The following AOX1 variants were observed in gnomAD, a reference collection of about 807,000 sequenced individuals.
AOX1 encodes the protein aldehyde oxidase.
Under a neutral mutation model 169.5 loss-of-function variants are expected in AOX1, and 153 were observed. The ratio of observed to expected loss-of-function variants is 0.90; its 90% CI spans 0.79 to 1.03. The LOEUF (loss-of-function observed/expected upper bound fraction) is 1.03, where lower values mean the gene tolerates loss of function less well. Ranked by LOEUF, AOX1 falls within the 50% of genes least tolerant of loss-of-function variation. The pLI, the probability that AOX1 is intolerant of heterozygous loss-of-function variation, is 0.00. For synonymous variants in AOX1, 562 were observed against 581.9 expected (o/e 0.97, Z 0.49); for missense variants, 1,656 against 1,663.9 (o/e 1.00, Z 0.08).
intron 10 of AOX1, among the ~76,000 whole-genome samples, chr2:200,606,022 C>T (rs561975127): frequency 5.9e-5 from 9 of 152,296 alleles, no homozygotes; most frequent in African/African-American, 1.9e-4. Flanking sequence ...GCTTTTGCTG[C>T]AATTGCTTTT....
rs926823452 is a variant in AOX1 at position 200,671,066 on chromosome 2, T to G, written c.*387T>G. On this transcript the variant is annotated 3_prime_UTR_variant, in exon 35 of 35. Transcript: ENST00000374700. Reference sequence around the variant, plus strand: ...TTTCTAAATAATTTCATTACTAATATGAACTGTGAAGTTGTCATTTTTTCA... The same window carrying G: ...TTTCTAAATAATTTCATTACTAATAGGAACTGTGAAGTTGTCATTTTTTCA... 2 of 171,954 alleles carry G rather than the reference T, an allele frequency of 1.2e-5. No homozygotes were observed. Among genetic ancestry groups the G allele is most frequent in the African/African-American group, 4.7e-5 (2 of 42,206 alleles). The allele number at this position is 171,954 out of a possible 1,614,324, so 10.7% of individuals were successfully genotyped here.
At chr2:200,606,314 A>G (rs1371387714) in intron 10 of AOX1, among the ~76,000 whole-genome samples, 2 of 151,960 alleles carry the variant, frequency 1.3e-5, no homozygotes, top group African/African-American at 2.4e-5. Context: ...TTTTATTTCT[A>G]AGGTCTCTGT....
At position 200,605,510 on chromosome 2, in the gene AOX1, ATTTT is replaced by A. The variant is rs3038607; in HGVS notation, c.815-14_815-11del. 0.34 allele frequency: 404,047 copies of A among 1,195,832 alleles called. 50,862 individuals carry two copies. The highest frequency in any genetic ancestry group is 0.4 in the East Asian group (14,888 of 37,188). 74.1% of individuals were successfully genotyped at this position (1,195,832 alleles called of 1,614,324 possible). ...TAGTTCCTTTATTCTAGTCTTATTG[ATTTT>A]TTTTTTTTTTTGATCCTTTAGGGCC... On this transcript the variant is annotated intron_variant, in intron 9 of 34. Transcript: ENST00000374700.
intron 10 of AOX1, among the ~76,000 whole-genome samples, chr2:200,607,600 A>G (rs2034542212): frequency 6.6e-6 from 1 of 152,208 alleles, no homozygotes; most frequent in Admixed American, 6.5e-5. Flanking sequence ...CATTTGACCC[A>G]GTAATCCCAT....
intron 1 of AOX1, among the ~76,000 whole-genome samples, chr2:200,588,019 T>TGC (rs2034074659): frequency 6.6e-6 from 1 of 152,136 alleles, no homozygotes; most frequent in Non-Finnish European, 1.5e-5. Context: ...GAGCTTACAT[T>TGC]GTGCTGGGGA....
intron 5 of AOX1, 55 bp downstream of exon 5, chr2:200,599,801 T>G: frequency 7.7e-7 from 1 of 1,306,124 alleles, no homozygotes. Context: ...TATTTATTTT[T>G]TGAGACGGAA....
At chr2:200,626,989 G>A (rs928687052) in intron 19 of AOX1, among the ~76,000 whole-genome samples, 1 of 152,240 alleles carries the variant, frequency 6.6e-6, no homozygotes, top group Admixed American at 6.5e-5. Context: ...AATGCTGACT[G>A]GGTCTAGAGC....
At chr2:200,621,284 C>T in intron 18 of AOX1, 38 bp downstream of exon 18, 1 of 1,605,370 alleles carries the variant, frequency 6.2e-7, no homozygotes, top group Non-Finnish European at 8.5e-7. Context: ...AAATAACTTT[C>T]TCAGTTAACG....
downstream of AOX1, among the ~76,000 whole-genome samples, chr2:200,680,999 T>G (rs1171614138): frequency 2.6e-5 from 4 of 152,192 alleles, no homozygotes; most frequent in Non-Finnish European, 4.4e-5. Flanking sequence ...AGGGAAGCCT[T>G]GGCAATAAGT....
downstream of AOX1, among the ~76,000 whole-genome samples, chr2:200,675,398 G>T (rs569917409): frequency 6.6e-6 from 1 of 152,298 alleles, no homozygotes; most frequent in African/African-American, 2.4e-5. Context: ...CCAAACTAGA[G>T]AAATGCCTAC....
chr2:200,659,458 G>A (rs1250036261), intron 28 of AOX1, among the ~76,000 whole-genome samples, 165 bp downstream of exon 28: 1 of 152,174 alleles, frequency 6.6e-6, no homozygotes, highest in Admixed American at 6.5e-5. Flanking sequence ...TGCTGGAAAT[G>A]CCACCTCTTT....
intron 18 of AOX1, among the ~76,000 whole-genome samples, chr2:200,622,035 A>T (rs900999264): frequency 6.6e-6 from 1 of 152,224 alleles, no homozygotes; most frequent in Admixed American, 6.5e-5. Context: ...TGCAGGCATG[A>T]GCCACCACGC....
At chr2:200,673,606 A>G (rs1264591457), downstream of AOX1, among the ~76,000 whole-genome samples, 1 of 152,140 alleles carries the variant, frequency 6.6e-6, no homozygotes, top group African/African-American at 2.4e-5. Flanking sequence ...CCTTCCAACC[A>G]TTCTCACATT....
At chr2:200,620,597 T>G (rs927077667) in intron 16 of AOX1, 53 bp from the exon 17 acceptor site, 1 of 1,387,192 alleles carries the variant, frequency 7.2e-7, no homozygotes, top group African/African-American at 1.5e-5. Context: ...TAATAATAAT[T>G]CCTACTTTCT....
chr2:200,657,190 A>ATATATATATATTTTTTTTTTTTTTTT, intron 27 of AOX1, among the ~76,000 whole-genome samples: 1 of 62,882 alleles, frequency 1.6e-5, no homozygotes, highest in African/African-American at 7.9e-5. Context: ...ATATATATAT[A>ATATATATATATTTTTTTTTTTTTTTT]TTTTTTTTTT....
intron 4 of AOX1, chr2:200,676,771 A>G: frequency 2.7e-6 from 1 of 371,124 alleles, no homozygotes. Flanking sequence ...CGGGGAGACA[A>G]GAGGGTTGGG....
At chr2:200,611,613 T>G (rs2034643127) in intron 13 of AOX1, 120 bp downstream of exon 13, 1 of 691,360 alleles carries the variant, frequency 1.4e-6, no homozygotes, top group Non-Finnish European at 2.5e-6. Context: ...AAGGCTCAAC[T>G]TCAGGAAGTG....
At chr2:200,653,457 C>T (rs2035620402) in intron 26 of AOX1, among the ~76,000 whole-genome samples, 1 of 152,214 alleles carries the variant, frequency 6.6e-6, no homozygotes, top group Admixed American at 6.5e-5. Context: ...TATTCTCTAT[C>T]TCATCTCTAT....
intron 31 of AOX1, among the ~76,000 whole-genome samples, chr2:200,664,372 A>G (rs544560031): frequency 1.3e-5 from 2 of 152,288 alleles, no homozygotes; most frequent in South Asian, 4.1e-4. Context: ...TGATCCACCC[A>G]CCTTGGCCTT....
Sources: gnomAD v4.1 joint callset for allele counts (sites outside exome capture counted in the v4.1 genomes callset) on GRCh38, gnomAD v4.1.1 for gene constraint, MANE v1.5 for transcripts, NCBI Gene and HGNC (gene_info 2026-07-23, HGNC 2026-07-21) for gene names.